UBE2G1: variants seen among roughly 807,000 people sequenced by gnomAD.
UBE2G1 encodes ubiquitin conjugating enzyme E2 G1.
In UBE2G1, 5 loss-of-function variants were observed where a neutral mutation model predicts 22.7. That is an observed-to-expected ratio of 0.22 (90% confidence interval 0.12 to 0.46). The LOEUF (loss-of-function observed/expected upper bound fraction) is 0.46. UBE2G1 is among the 20% of genes least tolerant of loss of function. The pLI is 0.99. For synonymous variants in UBE2G1, 74 were observed against 67.5 expected (o/e 1.10, Z -0.47); for missense variants, 88 against 203.9 (o/e 0.43, Z 3.46).
intron 1 of UBE2G1, among the ~76,000 whole-genome samples, chr17:4,353,166 C>T (rs1490734494): frequency 1.3e-5 from 2 of 151,844 alleles, no homozygotes; most frequent in African/African-American, 4.8e-5. Flanking sequence ...TGCGGTGAGC[C>T]GAGATCACGC....
chr17:4,300,775 C>T (rs1969168296), intron 2 of UBE2G1, among the ~76,000 whole-genome samples: 2 of 151,342 alleles, frequency 1.3e-5, no homozygotes, highest in East Asian at 2.0e-4. Context: ...CCAGCATGGC[C>T]GAGATGGTGA....
At chr17:4,285,973 C>T (rs1178721235) in intron 4 of UBE2G1, among the ~76,000 whole-genome samples, 1 of 150,598 alleles carries the variant, frequency 6.6e-6, no homozygotes, top group African/African-American at 2.4e-5. Context: ...AAATTGGAGC[C>T]AAAGAAGAAA....
intron 1 of UBE2G1, among the ~76,000 whole-genome samples, chr17:4,354,095 T>C (rs889065115): frequency 1.3e-5 from 2 of 152,182 alleles, no homozygotes; most frequent in Non-Finnish European, 2.9e-5. Context: ...ATAAACTTTG[T>C]CTTGCTTGTT....
chr17:4,339,165 G>T (rs1969683194), intron 1 of UBE2G1, among the ~76,000 whole-genome samples: 1 of 152,142 alleles, frequency 6.6e-6, no homozygotes, highest in Admixed American at 6.5e-5. Context: ...GATTAAACCT[G>T]AGTTTGTGGA....
At chr17:4,327,956 T>G (rs1452835525) in intron 1 of UBE2G1, among the ~76,000 whole-genome samples, 1 of 152,220 alleles carries the variant, frequency 6.6e-6, no homozygotes, top group Non-Finnish European at 1.5e-5. Context: ...CTTCTCTTCC[T>G]TCTGCAGGAA....
At position 4,296,706 on chromosome 17, in the gene UBE2G1, G is replaced by C; in HGVS notation, c.247+11C>G. 6.2e-7 allele frequency: 1 copy of C among 1,610,934 alleles called. No individual in the cohort carries two copies. The highest frequency in any genetic ancestry group is 2.2e-5 in the East Asian group (1 of 44,794). ...ATCTGCAAATGTAAAAGTAAAACTA[G>C]ATAAACTTACCATTTGGGTGCCAGA... On this transcript the variant is annotated intron_variant, in intron 3 of 5. Transcript: ENST00000396981.
intron 1 of UBE2G1, 28 bp downstream of exon 1, chr17:4,366,243 C>G (rs1003733546): frequency 6.6e-7 from 1 of 1,524,968 alleles, no homozygotes; most frequent in South Asian, 1.2e-5. Flanking sequence ...CGCGGCCGGG[C>G]CCGGCGCCCC....
At chr17:4,331,310 A>C (rs1006049900) in intron 1 of UBE2G1, among the ~76,000 whole-genome samples, 2 of 152,258 alleles carry the variant, frequency 1.3e-5, no homozygotes, top group Non-Finnish European at 2.9e-5. Flanking sequence ...AATCCACAGA[A>C]GCACTAATTA....
chr17:4,285,669 C>A (rs542215827), intron 4 of UBE2G1, among the ~76,000 whole-genome samples: 1 of 152,024 alleles, frequency 6.6e-6, no homozygotes, highest in African/African-American at 2.4e-5. Flanking sequence ...GGGGCCAAAG[C>A]GGCCGGGCGA....
intron 5 of UBE2G1, 49 bp from the exon 6 acceptor site, chr17:4,272,565 G>T (rs1481331038): frequency 5.4e-6 from 1 of 186,578 alleles, no homozygotes; most frequent in African/African-American, 2.4e-5. Flanking sequence ...AATTACAAAA[G>T]AATTAACTGT....
chr17:4,296,988 C>T (rs1598184516), intron 2 of UBE2G1, among the ~76,000 whole-genome samples, 174 bp from the exon 3 acceptor site: 1 of 152,342 alleles, frequency 6.6e-6, no homozygotes, highest in Admixed American at 6.5e-5. Context: ...AATAAACTGT[C>T]ATGGCTATCA....
chr17:4,336,290 A>G (rs1048822824), intron 1 of UBE2G1, among the ~76,000 whole-genome samples: 3 of 152,234 alleles, frequency 2.0e-5, no homozygotes, highest in Non-Finnish European at 4.4e-5. Context: ...ACTAACCTTT[A>G]TCCAACTACA....
chr17:4,298,312 A>G (rs1969134155), intron 2 of UBE2G1, among the ~76,000 whole-genome samples: 1 of 152,180 alleles, frequency 6.6e-6, no homozygotes, highest in Non-Finnish European at 1.5e-5. Context: ...GCCTGGGAAA[A>G]GAAAAAAGAA....
At chr17:4,325,729 C>G (rs1302159227) in intron 1 of UBE2G1, among the ~76,000 whole-genome samples, 1 of 152,244 alleles carries the variant, frequency 6.6e-6, no homozygotes, top group African/African-American at 2.4e-5. Context: ...TACAAAACGA[C>G]AATAATCAAA....
intron 1 of UBE2G1, among the ~76,000 whole-genome samples, chr17:4,353,785 C>T (rs1969873540): frequency 6.6e-6 from 1 of 150,864 alleles, no homozygotes; most frequent in South Asian, 2.1e-4. Flanking sequence ...GCTGGGAATA[C>T]AGGCGTGAGC....
At chr17:4,365,266 CTT>C (rs1168784274) in intron 1 of UBE2G1, among the ~76,000 whole-genome samples, 1 of 152,254 alleles carries the variant, frequency 6.6e-6, no homozygotes, top group Non-Finnish European at 1.5e-5. Flanking sequence ...GTTCATTTCT[CTT>C]TAAATCTGGC....
chr17:4,278,217 A>G (rs1255650096), intron 5 of UBE2G1, among the ~76,000 whole-genome samples: 14 of 152,266 alleles, frequency 9.2e-5, no homozygotes, highest in Non-Finnish European at 1.9e-4. Context: ...ACAGGTTTCC[A>G]TGGTATAAAG....
chr17:4,359,748 A>G (rs1383882354), intron 1 of UBE2G1, among the ~76,000 whole-genome samples: 2 of 151,864 alleles, frequency 1.3e-5, no homozygotes, highest in African/African-American at 2.4e-5. Flanking sequence ...GCTACTCAGA[A>G]GGCTGAGGCA....
chr17:4,283,789 G>C (rs1200576554), intron 4 of UBE2G1, among the ~76,000 whole-genome samples: 1 of 152,086 alleles, frequency 6.6e-6, no homozygotes, highest in Non-Finnish European at 1.5e-5. Flanking sequence ...AGGGAAAAGG[G>C]TCTATTAAAC....
Sources: gnomAD v4.1 joint callset for allele counts (sites outside exome capture counted in the v4.1 genomes callset) on GRCh38, gnomAD v4.1.1 for gene constraint, MANE v1.5 for transcripts, NCBI Gene and HGNC (gene_info 2026-07-23, HGNC 2026-07-21) for gene names.